Variants in ADARB1 observed in about 807,000 individuals in gnomAD.
ADARB1 encodes double-stranded RNA-specific editase 1.
ADARB1 carries 10 observed loss-of-function variants against 52.4 expected under a neutral mutation model. That is an observed-to-expected ratio of 0.19 (90% CI 0.12 to 0.32). The LOEUF (loss-of-function observed/expected upper bound fraction) is 0.32. Ranked by LOEUF, ADARB1 falls within the 10% of genes least tolerant of loss-of-function variation. The pLI is 1.00. For missense variants in ADARB1, 643 were observed against 922.3 expected (o/e 0.70, Z 3.92); for synonymous variants, 349 against 371.1 (o/e 0.94, Z 0.68).
At chr21:45,219,051 T>G in intron 9 of ADARB1, among the ~76,000 whole-genome samples, 1 of 152,244 alleles carries the variant, frequency 6.6e-6, no homozygotes, top group South Asian at 2.1e-4. Flanking sequence ...AGCCTGTGAT[T>G]AGTTAAGATG....
rs1168342083 is a variant in ADARB1, at chr21:45,222,417, C to T, written c.*220C>T. 7.8e-6 allele frequency: 10 copies of T among 1,289,244 alleles called. No individual in the cohort carries two copies. The highest frequency in any genetic ancestry group is 3.1e-5 in the East Asian group (1 of 32,244). 79.9% of individuals were successfully genotyped at this position (1,289,244 alleles called of 1,614,324 possible). Reference sequence around the variant, plus strand: ...GGGGTGCGTCAGGGCCCAGCATCGCCGCCTGGCATCTCTCTGCCGCAGCAT... The same window carrying T: ...GGGGTGCGTCAGGGCCCAGCATCGCTGCCTGGCATCTCTCTGCCGCAGCAT... On this transcript the variant is annotated 3_prime_UTR_variant, in exon 11 of 11. Transcript: ENST00000348831.
Position 45,220,867 on chromosome 21 carries a change from G to A in ADARB1, c.1779G>A (p.Gly593=), listed in dbSNP as rs374114165. 35 of 1,613,328 alleles carry A rather than the reference G, an allele frequency of 2.2e-5. No individual in the cohort carries two copies. In the East Asian group the frequency reaches 3.1e-4, roughly 14 times the overall value. Residue 593 remains glycine (G), a synonymous_variant, in exon 10 of 11, where the codon GGG becomes GGA. Transcript: ENST00000348831. The surrounding 1 kb of genome is among the most constrained non-coding windows in gnomAD (Gnocchi z 6.3). ...GISNAEARQP[G]KAPNFSVNWT... ...GCAATGCAGAAGCACGGCAGCCAGGGAAGGCCCCCAACTTCAGTGTCAACT... is the reference window on the plus strand; with the variant it reads ...GCAATGCAGAAGCACGGCAGCCAGGAAAGGCCCCCAACTTCAGTGTCAACT...
Position 45,208,366 on chromosome 21 carries a change from A to G in ADARB1, c.1747+3630A>G, listed in dbSNP as rs1461577913. 1.3e-5 allele frequency among the ~76,000 whole-genome samples: 2 copies of G among 152,228 alleles called. No individual in the cohort carries two copies. The highest frequency in any genetic ancestry group is 3.8e-4 in the East Asian group (2 of 5,202). ...GCACGAAACGTTAACAAACAAGGCTACATGATGGGGTAGGGTCCTTGTGAA... is the reference window on the plus strand; with the variant it reads ...GCACGAAACGTTAACAAACAAGGCTGCATGATGGGGTAGGGTCCTTGTGAA... On this transcript the variant is annotated intron_variant, in intron 9 of 10. Coordinates refer to ENST00000348831, the MANE Select transcript of ADARB1 (RefSeq NM_001112.4). The surrounding 1 kb of genome is among the most constrained non-coding windows in gnomAD (Gnocchi z 5.6).
intron 1 of ADARB1, among the ~76,000 whole-genome samples, chr21:45,096,388 TC>T (rs2086762283): frequency 6.6e-6 from 1 of 152,246 alleles, no homozygotes; most frequent in Admixed American, 6.5e-5. Context: ...CTGGGCAGTC[TC>T]GCTCCCTGCA....
At chr21:45,179,715 T>C (rs1478544112) in intron 4 of ADARB1, among the ~76,000 whole-genome samples, 3 of 151,730 alleles carry the variant, frequency 2.0e-5, no homozygotes, top group Non-Finnish European at 4.4e-5. Flanking sequence ...GGAGTCAGAG[T>C]GCATTTGTGT....
chr21:45,092,455 A>G (rs1188896832), intron 1 of ADARB1, among the ~76,000 whole-genome samples: 1 of 152,186 alleles, frequency 6.6e-6, no homozygotes, highest in Non-Finnish European at 1.5e-5. Flanking sequence ...TTTTTTATAT[A>G]GTTATACCAT....
At chr21:45,108,359 C>T (rs746375419) in intron 1 of ADARB1, among the ~76,000 whole-genome samples, 2 of 152,096 alleles carry the variant, frequency 1.3e-5, no homozygotes, top group Admixed American at 6.5e-5. Context: ...TTCTCATGTA[C>T]GTGCTTAATT....
At chr21:45,185,207 G>A in intron 8 of ADARB1, 116 bp downstream of exon 8, 3 of 1,339,692 alleles carry the variant, frequency 2.2e-6, no homozygotes, top group Non-Finnish European at 3.1e-6. Context: ...CCACTCAGGT[G>A]TTCCACAGTA....
intron 8 of ADARB1, among the ~76,000 whole-genome samples, chr21:45,191,880 A>ATATATATAT (rs1601874792): frequency 6.4e-5 from 1 of 15,748 alleles, no homozygotes; most frequent in African/African-American, 1.7e-4. Flanking sequence ...ATATATATAT[A>ATATATATAT]TTTTTTTTTT....
At chr21:45,131,727 C>T (rs1199066000) in intron 2 of ADARB1, among the ~76,000 whole-genome samples, 1 of 152,250 alleles carries the variant, frequency 6.6e-6, no homozygotes, top group Non-Finnish European at 1.5e-5. Context: ...GGGCATGGAG[C>T]CCAGTGCCAA....
In ADARB1 at chr21:45,221,026, C is replaced by T; in HGVS notation, c.1926+12C>T. 2 of 1,596,872 alleles carry T rather than the reference C, an allele frequency of 1.3e-6. No individual in the cohort carries two copies. Among genetic ancestry groups the T allele is most frequent in the Non-Finnish European group, 1.7e-6 (2 of 1,169,554 alleles). On this transcript the variant is annotated intron_variant, in intron 10 of 10. Coordinates refer to ENST00000348831, the MANE Select transcript of ADARB1 (RefSeq NM_001112.4). The surrounding 1 kb of genome is among the most constrained non-coding windows in gnomAD (Gnocchi z 4.9). ...GTGTGCACGGCAAGGTACTGAGGCGCCCTCACCGCAATGCGCCGGCTCCAC... is the reference window on the plus strand; with the variant it reads ...GTGTGCACGGCAAGGTACTGAGGCGTCCTCACCGCAATGCGCCGGCTCCAC...
At chr21:45,188,288 G>A (rs1363127119) in intron 8 of ADARB1, among the ~76,000 whole-genome samples, 1 of 152,094 alleles carries the variant, frequency 6.6e-6, no homozygotes, top group African/African-American at 2.4e-5. Flanking sequence ...TGTATTTTTA[G>A]TAGAGATAGA....
intron 8 of ADARB1, among the ~76,000 whole-genome samples, chr21:45,190,135 T>G (rs544764997): frequency 3.3e-5 from 5 of 152,224 alleles, no homozygotes; most frequent in African/African-American, 1.2e-4. Flanking sequence ...TCACTTTTCT[T>G]CATTCTTTTT....
intron 9 of ADARB1, among the ~76,000 whole-genome samples, chr21:45,218,170 A>G (rs1043736050): frequency 1.3e-5 from 2 of 152,184 alleles, no homozygotes; most frequent in African/African-American, 4.8e-5. Context: ...CCTCACCGTC[A>G]TGAAATCTAA....
intron 8 of ADARB1, among the ~76,000 whole-genome samples, chr21:45,201,206 T>C (rs1004729561): frequency 1.3e-5 from 2 of 152,194 alleles, no homozygotes; most frequent in African/African-American, 2.4e-5. Context: ...GGACGCTGAC[T>C]GTGTCTGACA....
At chr21:45,197,654 A>C (rs1286657009) in intron 8 of ADARB1, among the ~76,000 whole-genome samples, 1 of 152,160 alleles carries the variant, frequency 6.6e-6, no homozygotes, top group Non-Finnish European at 1.5e-5. Context: ...ATAGTCAAAA[A>C]CTGGAAGCAA....
rs1269833055 is a variant in ADARB1, at chr21:45,180,330, G to C, written c.964G>C (p.Val322Leu). 2 of 1,613,202 alleles carry C rather than the reference G, an allele frequency of 1.2e-6. No homozygotes were observed. Among genetic ancestry groups the C allele is most frequent in the African/African-American group, 2.7e-5 (2 of 74,918 alleles). ...SEGLQLHLPQ[V>L]LADAVSRLVL... ...ACCTGCATCTGTGCTTCCCACACAG[G>C]TTTTAGCTGACGCTGTCTCACGCCT... Residue 322 changes from valine (V) to leucine (L), a missense_variant and splice_region_variant, in exon 5 of 11, where the codon GTT becomes CTT. This residue lies in a region of ADARB1 where 380 missense variants were observed against 446.5 expected (regional missense o/e 0.85). Transcript: ENST00000348831.
In ADARB1 at chr21:45,224,392, G is replaced by A. The variant is rs182682104; in HGVS notation, c.*2195G>A. 2.8e-4 allele frequency: 277 copies of A among 981,210 alleles called. 1 individual carries two copies. The African/African-American group carries it at 4.3e-3, about 15-fold the overall frequency. 60.8% of individuals were successfully genotyped at this position (981,210 alleles called of 1,614,324 possible). ...AGACCATGTGAGGTGGCACCTTTCC[G>A]GGGTGGACTCGTGCGGCCTTGAGGA... On this transcript the variant is annotated 3_prime_UTR_variant, in exon 11 of 11. Coordinates refer to ENST00000348831, the MANE Select transcript of ADARB1 (RefSeq NM_001112.4).
intron 2 of ADARB1, among the ~76,000 whole-genome samples, chr21:45,155,315 C>G (rs2090499431): frequency 6.6e-6 from 1 of 152,108 alleles, no homozygotes; most frequent in African/African-American, 2.4e-5. Flanking sequence ...GACCTTCACC[C>G]TTCACAGAGT....
Sources: gnomAD v4.1 joint callset for allele counts (sites outside exome capture counted in the v4.1 genomes callset) on GRCh38, gnomAD v4.1.1 for gene constraint, gnomAD v4.1.1 regional missense constraint, Gnocchi (gnomAD v3.1) non-coding constraint, MANE v1.5 for transcripts, NCBI Gene and HGNC (gene_info 2026-07-23, HGNC 2026-07-21) for gene names.